The following MAN1A2 variants were observed in gnomAD, a reference collection of about 807,000 sequenced individuals.
The protein encoded by MAN1A2 is mannosyl-oligosaccharide 1,2-alpha-mannosidase IB.
Under a neutral mutation model 75.7 loss-of-function variants are expected in MAN1A2, and 26 were observed. The observed-to-expected ratio is 0.34, with a 90% CI of 0.25 to 0.48. The LOEUF is 0.48. Ranked by LOEUF, MAN1A2 falls within the 20% of genes least tolerant of loss-of-function variation. The probability of loss-of-function intolerance (pLI) is 0.99; values close to 1 mark genes in which losing one functional copy is unlikely to be tolerated. For synonymous variants in MAN1A2, 247 were observed against 264.6 expected, an observed-to-expected ratio of 0.93 and a Z score of 0.65; for missense variants, 562 against 775.5, an observed-to-expected ratio of 0.72 and a Z score of 3.27.
At chr1:117,504,260 G>A (rs527993771) in intron 12 of MAN1A2, among the ~76,000 whole-genome samples, 23 of 150,070 alleles carry the variant, frequency 1.5e-4, no homozygotes, top group Non-Finnish European at 2.1e-4. Context: ...TTTGCTTTTG[G>A]TTTACATGTC....
chr1:117,522,511 C>T, intron 12 of MAN1A2, among the ~76,000 whole-genome samples: 1 of 151,866 alleles, frequency 6.6e-6, no homozygotes, highest in East Asian at 1.9e-4. Context: ...TATTGAAAAA[C>T]TGAATGTGTT....
chr1:117,370,598 A>T (rs1289135583), intron 1 of MAN1A2, among the ~76,000 whole-genome samples: 1 of 152,258 alleles, frequency 6.6e-6, no homozygotes, highest in Non-Finnish European at 1.5e-5. Context: ...AGAAAACATC[A>T]AATGTATAAA....
At chr1:117,429,956 A>T (rs1255399988) in intron 5 of MAN1A2, among the ~76,000 whole-genome samples, 2 of 54,416 alleles carry the variant, frequency 3.7e-5, no homozygotes, top group Admixed American at 1.7e-4. Context: ...CCTCACCTCC[A>T]GACGGGGCGG....
chr1:117,482,079 A>G (rs1256114372), intron 8 of MAN1A2, among the ~76,000 whole-genome samples: 1 of 151,810 alleles, frequency 6.6e-6, no homozygotes, highest in South Asian at 2.1e-4. Flanking sequence ...AATGGTATAT[A>G]TATATATGTT....
At chr1:117,419,006 A>G (rs1648103083) in intron 4 of MAN1A2, among the ~76,000 whole-genome samples, 2 of 152,152 alleles carry the variant, frequency 1.3e-5, no homozygotes, top group Non-Finnish European at 1.5e-5. Context: ...GAAAGCATCC[A>G]GATAATAGGG....
chr1:117,383,719 G>A (rs78922094), intron 1 of MAN1A2, among the ~76,000 whole-genome samples: 17,138 of 151,702 alleles, frequency 0.11, 1,056 homozygotes, highest in Non-Finnish European at 0.14. Flanking sequence ...TAATTTTTTG[G>A]TGAATAATTG....
chr1:117,472,502 C>T (rs1650191460), intron 8 of MAN1A2, among the ~76,000 whole-genome samples: 2 of 151,892 alleles, frequency 1.3e-5, no homozygotes, highest in South Asian at 4.1e-4. Context: ...GTCCCTAATA[C>T]CCTTGGAGAA....
At chr1:117,409,174 T>G (rs141445659) in intron 3 of MAN1A2, among the ~76,000 whole-genome samples, 4 of 152,108 alleles carry the variant, frequency 2.6e-5, no homozygotes, top group Non-Finnish European at 5.9e-5. Context: ...TGATTTGGGT[T>G]GATTTTGCTC....
At chr1:117,377,139 C>T (rs1213833760) in intron 1 of MAN1A2, among the ~76,000 whole-genome samples, 1 of 152,144 alleles carries the variant, frequency 6.6e-6, no homozygotes, top group Non-Finnish European at 1.5e-5. Flanking sequence ...TACATGCATA[C>T]ATGACTTTTT....
chr1:117,428,631 AAAGACACACT>A (rs1648459659), intron 5 of MAN1A2, among the ~76,000 whole-genome samples: 1 of 152,164 alleles, frequency 6.6e-6, no homozygotes, highest in South Asian at 2.1e-4. Flanking sequence ...ACAGTCTAAA[AAAGACACACT>A]TAATAGAGAG....
chr1:117,367,989 G>T lies in MAN1A2; in HGVS notation c.-195G>T. On this transcript the variant is annotated 5_prime_UTR_variant, in exon 1 of 13. Coordinates refer to ENST00000356554, the MANE Select transcript of MAN1A2 (RefSeq NM_006699.5). ...CAGGACCTAAACTTGTGATCGTTTGGGGGAGGTCACACACGTTTCTGAGTG... is the reference window on the plus strand; with the variant it reads ...CAGGACCTAAACTTGTGATCGTTTGTGGGAGGTCACACACGTTTCTGAGTG... The T allele has an allele frequency of 1.7e-6, 1 of 577,290 alleles. No homozygotes were observed. Among genetic ancestry groups the T allele is most frequent in the Non-Finnish European group, 3.1e-6 (1 of 327,008 alleles). The allele number at this position is 577,290 out of a possible 1,614,324, so 35.8% of individuals were successfully genotyped here. A position where few individuals can be genotyped will look rare whatever the true frequency, so the allele number is the denominator to read the frequency against.
chr1:117,493,371 A>G, intron 9 of MAN1A2, 109 bp downstream of exon 9: 1 of 588,538 alleles, frequency 1.7e-6, no homozygotes, highest in Non-Finnish European at 3.0e-6. Context: ...TTCAGTAAAT[A>G]CATACAAACA....
chr1:117,448,146 A>T (rs1394555441), intron 6 of MAN1A2, among the ~76,000 whole-genome samples: 1 of 152,098 alleles, frequency 6.6e-6, no homozygotes, highest in Non-Finnish European at 1.5e-5. Flanking sequence ...TTCCCTTGTT[A>T]GCTCTATTCC....
At chr1:117,514,157 G>C (rs1651632132) in intron 12 of MAN1A2, among the ~76,000 whole-genome samples, 1 of 152,124 alleles carries the variant, frequency 6.6e-6, no homozygotes, top group African/African-American at 2.4e-5. Context: ...GAGTTCAGGA[G>C]TTCGAGACCA....
intron 1 of MAN1A2, among the ~76,000 whole-genome samples, chr1:117,375,915 G>GGT (rs1553229100): frequency 2.1e-4 from 30 of 140,962 alleles, no homozygotes; most frequent in Non-Finnish European, 3.8e-4. Flanking sequence ...ATTAATTTAT[G>GGT]TTTTTTTTTT....
At chr1:117,405,519 AT>A (rs1647586615) in intron 2 of MAN1A2, 29 bp from the exon 3 acceptor site, 8 of 1,357,690 alleles carry the variant, frequency 5.9e-6, no homozygotes, top group African/African-American at 1.4e-5. Flanking sequence ...AAAAATTTAA[AT>A]TGATGGATTA....
In MAN1A2 at chr1:117,488,537, A is replaced by G. The variant is rs143048347; in HGVS notation, c.1169-4610A>G. 5.1e-4 allele frequency among the ~76,000 whole-genome samples: 78 copies of G among 152,166 alleles called. No individual in the cohort carries two copies. In the Middle Eastern group the frequency reaches 0.017, roughly 33 times the overall value. On this transcript the variant is annotated intron_variant, in intron 8 of 12. Coordinates refer to ENST00000356554, the MANE Select transcript of MAN1A2 (RefSeq NM_006699.5). ...TATAGTGTTCAAAACCTGGCAAAAC[A>G]AATTTATGGTGATAATAGAAATTAG...
chr1:117,442,673 TCCTC>T (rs1388648668), intron 6 of MAN1A2, among the ~76,000 whole-genome samples: 2 of 152,160 alleles, frequency 1.3e-5, no homozygotes, highest in African/African-American at 4.8e-5. Flanking sequence ...TCAAAGTACA[TCCTC>T]CCTCTTTTTC....
chr1:117,403,960 C>T (rs879248072), intron 2 of MAN1A2, among the ~76,000 whole-genome samples: 1 of 152,114 alleles, frequency 6.6e-6, no homozygotes, highest in African/African-American at 2.4e-5. Context: ...TTGTAGTTTA[C>T]TGAGAGTTTT....
Sources: gnomAD v4.1 joint callset for allele counts (sites outside exome capture counted in the v4.1 genomes callset) on GRCh38, gnomAD v4.1.1 for gene constraint, MANE v1.5 for transcripts, NCBI Gene and HGNC (gene_info 2026-07-23, HGNC 2026-07-21) for gene names.